Variants in HPSE2 observed in about 807,000 individuals in gnomAD.
The protein encoded by HPSE2 is inactive heparanase-2.
In HPSE2, 38 loss-of-function variants were observed where a neutral mutation model predicts 60.5. The observed-to-expected ratio is 0.63, with a 90% CI of 0.48 to 0.82. The LOEUF (loss-of-function observed/expected upper bound fraction) is 0.82, where lower values mean the gene tolerates loss of function less well. HPSE2 is among the 40% of genes least tolerant of loss of function. HPSE2 has a pLI of 0.00. For synonymous variants in HPSE2, 295 were observed against 293.2 expected (o/e 1.01, Z -0.06); for missense variants, 713 against 740.4 (o/e 0.96, Z 0.43).
At chr10:98,834,944 T>C (rs1403407348) in intron 3 of HPSE2, among the ~76,000 whole-genome samples, 1 of 152,164 alleles carries the variant, frequency 6.6e-6, no homozygotes, top group Non-Finnish European at 1.5e-5. Flanking sequence ...AATTAGTTTA[T>C]ATTGTTATTT....
At chr10:98,883,977 C>G (rs1316759819) in intron 3 of HPSE2, among the ~76,000 whole-genome samples, 2 of 152,046 alleles carry the variant, frequency 1.3e-5, no homozygotes, top group Non-Finnish European at 2.9e-5. Flanking sequence ...AGTTAGCCAA[C>G]TTGTTAATGT....
chr10:98,755,133 C>T (rs1949849547), intron 3 of HPSE2, among the ~76,000 whole-genome samples: 1 of 152,184 alleles, frequency 6.6e-6, no homozygotes. Flanking sequence ...GGAGACCCAT[C>T]TCACATGCAA....
chr10:98,825,319 A>G (rs989326041), intron 3 of HPSE2, among the ~76,000 whole-genome samples: 1 of 151,346 alleles, frequency 6.6e-6, no homozygotes, highest in Non-Finnish European at 1.5e-5. Context: ...AATGTGATAA[A>G]CAAAGGCTGG....
intron 2 of HPSE2, among the ~76,000 whole-genome samples, chr10:99,168,494 TAA>T (rs1346319080): frequency 6.6e-6 from 1 of 152,228 alleles, no homozygotes; most frequent in Non-Finnish European, 1.5e-5. Context: ...TATCATCTGC[TAA>T]TAATAACAAT....
chr10:98,933,632 G>A (rs1169052764), intron 3 of HPSE2, among the ~76,000 whole-genome samples: 1 of 143,520 alleles, frequency 7.0e-6, no homozygotes, highest in Non-Finnish European at 1.5e-5. Flanking sequence ...TGAATCTGGG[G>A]GCTCCTGTAT....
At chr10:99,120,894 T>C (rs2135710769) in intron 3 of HPSE2, among the ~76,000 whole-genome samples, 1 of 152,308 alleles carries the variant, frequency 6.6e-6, no homozygotes, top group East Asian at 1.9e-4. Context: ...AGGAAAACAG[T>C]GTGGTAATTT....
intron 9 of HPSE2, among the ~76,000 whole-genome samples, chr10:98,596,335 T>G (rs1325339925): frequency 2.6e-5 from 3 of 113,858 alleles, no homozygotes; most frequent in Non-Finnish European, 5.6e-5. Flanking sequence ...TTATTTTTAG[T>G]AGTTTTTTAA....
intron 3 of HPSE2, among the ~76,000 whole-genome samples, chr10:98,830,075 CTCATTCACTCATTCATTCAT>C (rs757690208): frequency 1.1e-3 from 174 of 152,232 alleles, no homozygotes; most frequent in Non-Finnish European, 2.1e-3. Flanking sequence ...TCTGGCTATT[CTCATTCACTCATTCATTCAT>C]TCATTCACTC....
chr10:98,741,763 T>C (rs1021869176), intron 4 of HPSE2, among the ~76,000 whole-genome samples: 1 of 152,220 alleles, frequency 6.6e-6, no homozygotes, highest in Non-Finnish European at 1.5e-5. Flanking sequence ...CCTTTGGGCA[T>C]GTATTCTCCA....
At chr10:99,173,865 C>T (rs923207924) in intron 2 of HPSE2, among the ~76,000 whole-genome samples, 6 of 148,578 alleles carry the variant, frequency 4.0e-5, no homozygotes, top group East Asian at 2.0e-4. Context: ...ATAGCTTGAA[C>T]TCGTGAGGCA....
At chr10:99,189,797 TG>T (rs1390046489) in intron 2 of HPSE2, among the ~76,000 whole-genome samples, 1 of 152,228 alleles carries the variant, frequency 6.6e-6, no homozygotes, top group Non-Finnish European at 1.5e-5. Flanking sequence ...GCATCTCTTA[TG>T]CGTCCATTTT....
At chr10:98,999,863 G>A (rs928062266) in intron 3 of HPSE2, among the ~76,000 whole-genome samples, 2 of 152,136 alleles carry the variant, frequency 1.3e-5, no homozygotes, top group Non-Finnish European at 2.9e-5. Flanking sequence ...ATAATGGGGA[G>A]CCACTATAGT....
intron 6 of HPSE2, among the ~76,000 whole-genome samples, chr10:98,664,495 G>A (rs1308334974): frequency 2.6e-5 from 4 of 152,096 alleles, no homozygotes; most frequent in Non-Finnish European, 5.9e-5. Context: ...CAGTACCACC[G>A]ATCAGAAGGG....
At chr10:98,527,726 T>C (rs935816493) in intron 9 of HPSE2, among the ~76,000 whole-genome samples, 6 of 152,212 alleles carry the variant, frequency 3.9e-5, no homozygotes, top group African/African-American at 1.4e-4. Flanking sequence ...AGAGGCTATG[T>C]CTGTTTCCTT....
At chr10:99,153,405 GAGAACGGGC>G (rs1846371325) in intron 2 of HPSE2, among the ~76,000 whole-genome samples, 1 of 152,238 alleles carries the variant, frequency 6.6e-6, no homozygotes, top group Admixed American at 6.5e-5. Context: ...GTAGAGATCT[GAGAACGGGC>G]AGACTGCCTC....
rs759726862 is a variant in HPSE2 at position 98,721,813 on chromosome 10, C to T, written c.800G>A (p.Arg267Gln). 23 of 1,612,444 alleles carry T rather than the reference C, an allele frequency of 1.4e-5. No homozygotes were observed. The highest frequency in any genetic ancestry group is 1.6e-4 in the Middle Eastern group (1 of 6,074). Residue 267 changes from arginine (R) to glutamine (Q), a missense_variant, in exon 5 of 12, where the codon CGG becomes CAG. By Grantham distance (43) the Arg-to-Gln change is conservative (BLOSUM62 1). Coordinates refer to ENST00000370552, the MANE Select transcript of HPSE2 (RefSeq NM_021828.5). ...ATTTACTGCCCGGCCATGCATGGTC[C>T]GATAGTTATTTGGCTCTAGATTAAA... Reference protein sequence around the residue: ...WELGNEPNNYRTMHGRAVNGS... With the variant: ...WELGNEPNNYQTMHGRAVNGS...
At chr10:98,556,835 A>G (rs369696380) in intron 9 of HPSE2, among the ~76,000 whole-genome samples, 7 of 151,612 alleles carry the variant, frequency 4.6e-5, no homozygotes, top group African/African-American at 1.7e-4. Context: ...CAATGCCAAA[A>G]GCCAAAAATA....
intron 2 of HPSE2, among the ~76,000 whole-genome samples, chr10:99,162,508 T>C (rs1236176107): frequency 1.3e-5 from 2 of 152,206 alleles, no homozygotes; most frequent in African/African-American, 2.4e-5. Context: ...CCTTCCCTCC[T>C]GTCTTCAATG....
At chr10:98,698,706 G>A (rs548083411) in intron 5 of HPSE2, among the ~76,000 whole-genome samples, 3 of 152,238 alleles carry the variant, frequency 2.0e-5, no homozygotes, top group Non-Finnish European at 2.9e-5. Flanking sequence ...CCAGGAGCTG[G>A]TTTTCTGAAA....
Sources: allele counts gnomAD v4.1 joint callset (sites outside exome capture counted in the v4.1 genomes callset), GRCh38; gene constraint gnomAD v4.1.1; transcripts MANE v1.5; gene names NCBI Gene and HGNC (gene_info 2026-07-23, HGNC 2026-07-21).